The following TMCO4 variants were observed in gnomAD, a reference collection of about 807,000 sequenced individuals.
The protein encoded by TMCO4 is transmembrane and coiled-coil domains 4, also known as transmembrane and coiled-coil domain-containing protein 4.
In TMCO4, 58 loss-of-function variants were observed where a neutral mutation model predicts 64.7. The observed-to-expected ratio is 0.90, with a 90% CI of 0.73 to 1.12. The LOEUF (loss-of-function observed/expected upper bound fraction) is 1.12. TMCO4 is among the 50% of genes most tolerant of loss of function. The pLI is 0.00. For missense variants in TMCO4, 780 were observed against 825.9 expected (o/e 0.94, Z 0.68); for synonymous variants, 325 against 346.1 (o/e 0.94, Z 0.68).
intron 14 of TMCO4, among the ~76,000 whole-genome samples, chr1:19,698,069 G>A (rs1313650479): frequency 3.9e-5 from 6 of 152,206 alleles, no homozygotes; most frequent in Non-Finnish European, 8.8e-5. Context: ...ATCCTGAGCT[G>A]AACCGGGAAC....
intron 15 of TMCO4, among the ~76,000 whole-genome samples, chr1:19,684,766 AAGC>A (rs1478306184): frequency 1.3e-5 from 2 of 152,172 alleles, no homozygotes; most frequent in Non-Finnish European, 2.9e-5. Context: ...CCATGAGTTG[AAGC>A]GGTAGTGTGA....
intron 4 of TMCO4, among the ~76,000 whole-genome samples, chr1:19,778,785 C>A (rs1028645000): frequency 6.6e-6 from 1 of 152,176 alleles, no homozygotes; most frequent in Non-Finnish European, 1.5e-5. Context: ...CTTCTTTTCA[C>A]GAACCTTTAC....
At chr1:19,737,270 T>C in intron 13 of TMCO4, 102 bp downstream of exon 13, 1 of 1,153,284 alleles carries the variant, frequency 8.7e-7, no homozygotes, top group South Asian at 1.5e-5. Context: ...TTCTAAGAAC[T>C]GGGAACACAT....
intron 4 of TMCO4, among the ~76,000 whole-genome samples, chr1:19,772,240 T>G (rs537681719): frequency 4.9e-4 from 74 of 152,232 alleles, no homozygotes; most frequent in Non-Finnish European, 2.1e-4. Flanking sequence ...CCTGCAGAAG[T>G]GACGGCAGCC....
intron 13 of TMCO4, among the ~76,000 whole-genome samples, chr1:19,706,757 T>C (rs1203435679): frequency 6.6e-6 from 1 of 152,188 alleles, no homozygotes; most frequent in African/African-American, 2.4e-5. Context: ...GTCATTCACA[T>C]GTGCCGTGAA....
At chr1:19,761,872 G>A (rs908636116) in intron 6 of TMCO4, among the ~76,000 whole-genome samples, 2 of 152,220 alleles carry the variant, frequency 1.3e-5, no homozygotes, top group Admixed American at 6.5e-5. Flanking sequence ...GAGGCAGAGC[G>A]TGATGCTCCT....
chr1:19,688,127 C>A (rs1033782072), intron 15 of TMCO4, among the ~76,000 whole-genome samples: 1 of 152,204 alleles, frequency 6.6e-6, no homozygotes, highest in African/African-American at 2.4e-5. Flanking sequence ...ATGTGACTGG[C>A]GTGCAGAAGC....
chr1:19,797,725 A>T (rs1308281903), intron 2 of TMCO4, among the ~76,000 whole-genome samples: 2 of 151,812 alleles, frequency 1.3e-5, no homozygotes, highest in Non-Finnish European at 2.9e-5. Context: ...TCAGCCGGGC[A>T]TGATGGTGGG....
chr1:19,683,541 A>G, intron 15 of TMCO4, 97 bp from the exon 16 acceptor site: 1 of 1,377,532 alleles, frequency 7.3e-7, no homozygotes, highest in Non-Finnish European at 9.8e-7. Context: ...CCTTGCCCTG[A>G]GCATCCACAG....
At chr1:19,753,626 T>A (rs2042117760) in intron 7 of TMCO4, among the ~76,000 whole-genome samples, 1 of 152,170 alleles carries the variant, frequency 6.6e-6, no homozygotes. Context: ...TATCATTCAA[T>A]CCCTTAATTG....
At chr1:19,689,932 C>T (rs1049197199) in intron 15 of TMCO4, among the ~76,000 whole-genome samples, 1 of 152,166 alleles carries the variant, frequency 6.6e-6, no homozygotes, top group African/African-American at 2.4e-5. Context: ...ACCCCACCTT[C>T]AAGCCAAAAA....
In TMCO4 at chr1:19,716,087, C is replaced by T. The variant is rs143621008; in HGVS notation, c.1265-15202G>A. Among the ~76,000 whole-genome samples, 213 of 152,064 alleles carry T rather than the reference C, an allele frequency of 1.4e-3. 1 individual carries two copies. The highest frequency in any genetic ancestry group is 4.8e-3 in the African/African-American group (200 of 41,494). On this transcript the variant is annotated intron_variant, in intron 13 of 15. Transcript: ENST00000294543. ...ATCACAGCATTATGGGAGGCCGAGG[C>T]GGGAGGATTGTTTGAGCCCAGGAGT...
At chr1:19,692,784 G>T (rs2095206605) in intron 15 of TMCO4, among the ~76,000 whole-genome samples, 1 of 151,778 alleles carries the variant, frequency 6.6e-6, no homozygotes, top group Non-Finnish European at 1.5e-5. Flanking sequence ...ATAGGCTTAG[G>T]GCAGAGCGGG....
intron 7 of TMCO4, among the ~76,000 whole-genome samples, chr1:19,749,606 G>A (rs2041938184): frequency 6.6e-6 from 1 of 152,178 alleles, no homozygotes; most frequent in Non-Finnish European, 1.5e-5. Flanking sequence ...GGGCTCAAGT[G>A]ATCCACCTGC....
At chr1:19,716,685 C>A (rs2100713979) in intron 13 of TMCO4, among the ~76,000 whole-genome samples, 1 of 152,286 alleles carries the variant, frequency 6.6e-6, no homozygotes. Context: ...GGGCTCCCTG[C>A]ACCTGCTCTC....
chr1:19,786,755 T>A lies in TMCO4; in HGVS notation c.-9+271A>T, dbSNP rs12094217. 2.8e-3 allele frequency among the ~76,000 whole-genome samples: 427 copies of A among 152,320 alleles called. 3 individuals are homozygous for A. Among genetic ancestry groups the A allele is most frequent in the African/African-American group, 8.9e-3 (368 of 41,576 alleles). Reference sequence around the variant, plus strand: ...AATTATTTTAAAATAAAAATTTTTTTAAAAAGTAGTCGAACATCTCTAAAG... The same window carrying A: ...AATTATTTTAAAATAAAAATTTTTTAAAAAAGTAGTCGAACATCTCTAAAG... On this transcript the variant is annotated intron_variant, in intron 3 of 15. Coordinates refer to ENST00000294543, the MANE Select transcript of TMCO4 (RefSeq NM_181719.7).
rs112552626 is a variant in TMCO4 at position 19,789,387 on chromosome 1, C to T, written c.-100-2270G>A. On this transcript the variant is annotated intron_variant, in intron 2 of 15. Transcript: ENST00000294543. ...TGAATGCACTGTACTCCAGCCTGGG[C>T]GACACAGTGAGACTCTGCCTCAAAT... is the stretch of plus-strand genomic sequence containing the variant. Among the ~76,000 whole-genome samples the T allele has an allele frequency of 3.7e-3, 566 of 151,962 alleles. 3 individuals carry two copies. Among genetic ancestry groups the T allele is most frequent in the African/African-American group, 8.9e-3 (367 of 41,464 alleles).
intron 2 of TMCO4, among the ~76,000 whole-genome samples, chr1:19,795,820 CA>C (rs1204247159): frequency 3.3e-5 from 5 of 152,222 alleles, no homozygotes; most frequent in African/African-American, 1.2e-4. Flanking sequence ...TGAAAACCAG[CA>C]AATTGGATGA....
chr1:19,716,381 CTTT>C (rs1262772167), intron 13 of TMCO4, among the ~76,000 whole-genome samples: 1 of 124,474 alleles, frequency 8.0e-6, no homozygotes, highest in Non-Finnish European at 1.7e-5. Context: ...TTTTTTCTTT[CTTT>C]TTTTTTTTTT....
Sources: gnomAD v4.1 joint callset for allele counts (sites outside exome capture counted in the v4.1 genomes callset) on GRCh38, gnomAD v4.1.1 for gene constraint, MANE v1.5 for transcripts, NCBI Gene and HGNC (gene_info 2026-07-23, HGNC 2026-07-21) for gene names.